TTN: variants seen among roughly 807,000 people sequenced by gnomAD.
TTN encodes the protein titin.
TTN carries 1,525 observed loss-of-function variants against 3,223.0 expected under a neutral mutation model. The ratio of observed to expected loss-of-function variants is 0.47; its 90% CI spans 0.45 to 0.49. The LOEUF (loss-of-function observed/expected upper bound fraction) is 0.49. Among genes scored for constraint, TTN ranks in the 20% least tolerant of loss-of-function variants. The pLI is 0.00. For missense variants in TTN, 40,786 were observed against 43,424.0 expected (o/e 0.94, Z 5.40); for synonymous variants, 14,094 against 15,161.0 (o/e 0.93, Z 5.17).
rs752387560 is a variant in TTN at position 178,571,993 on chromosome 2, G to T, written c.74139C>A (p.Val24713=). The change falls in exon 326 of 363, where the codon GTC becomes GTA. Residue 24713 remains valine (V), a synonymous_variant. Transcript: ENST00000589042. ...ACAGGAGTTTGAAGGCTGGTGGAAT[G>T]ACAAGATCTTTGGCGATCACTGGCA... ...LSVPVIAKDL[V]IPPAFKLLFN... is the part of the protein sequence containing the mutation. 1.2e-6 allele frequency: 2 copies of T among 1,613,256 alleles called. No individual in the cohort carries two copies. The highest frequency in any genetic ancestry group is 8.5e-7 in the Non-Finnish European group (1 of 1,179,570).
At chr2:178,684,514 G>A in intron 131 of TTN, 101 bp from the exon 132 acceptor site, 2 of 1,393,796 alleles carry the variant, frequency 1.4e-6, no homozygotes, top group South Asian at 1.3e-5. Flanking sequence ...AATTTACAAG[G>A]CACACACACA....
intron 99 of TTN, among the ~76,000 whole-genome samples, chr2:178,708,598 A>G (rs2076207930): frequency 6.6e-6 from 1 of 152,236 alleles, no homozygotes; most frequent in Admixed American, 6.5e-5. Context: ...GAAAGCATTT[A>G]TCTGCCCATG....
chr2:178,530,590 T>G lies in TTN; in HGVS notation c.106025A>C (p.Tyr35342Ser), dbSNP rs1060500560. The part of the protein sequence containing the change: ...FQFHYSADGT[Y>S]ELKINNLTES... ...AGTGAGGTTATTGATTTTGAGCTCA[T>G]AGGTACCATCTGCTGAATAATGAAA... is the stretch of plus-strand genomic sequence containing the variant. The change falls in exon 358 of 363, where the codon TAT (tyrosine) becomes TCT (serine). Residue 35342 changes from tyrosine (Y) to serine (S), a missense_variant. Transcript: ENST00000589042. 2 of 1,613,998 alleles carry G rather than the reference T, an allele frequency of 1.2e-6. No homozygotes were observed. The highest frequency in any genetic ancestry group is 1.7e-5 in the Admixed American group (1 of 60,024).
At chr2:178,766,276 T>C (rs979480129) in intron 41 of TTN, 105 bp downstream of exon 41, 5 of 914,818 alleles carry the variant, frequency 5.5e-6, no homozygotes, top group Admixed American at 1.8e-5. Flanking sequence ...ATGAATACCA[T>C]AGGTTCTTTA....
chr2:178,737,007 G>C lies in TTN; in HGVS notation c.14372-933C>G, dbSNP rs35965350. Among the ~76,000 whole-genome samples, 924 of 152,114 alleles carry C rather than the reference G, an allele frequency of 6.1e-3. 8 individuals are homozygous for C. The highest frequency in any genetic ancestry group is 0.01 in the Middle Eastern group (3 of 294). Reference sequence around the variant, plus strand: ...GGGACAGCCTTCCCCAACAGTCCAAGTATGGCTTGACTGTACCTCTACCCC... The same window carrying C: ...GGGACAGCCTTCCCCAACAGTCCAACTATGGCTTGACTGTACCTCTACCCC... On this transcript the variant is annotated intron_variant, in intron 49 of 362. Transcript: ENST00000589042.
rs746660690 is a variant in TTN at position 178,773,743 on chromosome 2, C to G, written c.7331-18G>C. 6.2e-7 allele frequency: 1 copy of G among 1,613,922 alleles called. No individual in the cohort carries two copies. Among genetic ancestry groups the G allele is most frequent in the African/African-American group, 1.3e-5 (1 of 74,928 alleles). Reference sequence around the variant, plus strand: ...GTCCACACCTGCAAAATCATACACACACAAGATGAATGAATTTTGTTGAAA... The same window carrying G: ...GTCCACACCTGCAAAATCATACACAGACAAGATGAATGAATTTTGTTGAAA... On this transcript the variant is annotated intron_variant, in intron 31 of 362. Coordinates refer to ENST00000589042, the MANE Select transcript of TTN (RefSeq NM_001267550.2).
chr2:178,794,409 G>A lies in TTN; in HGVS notation c.1388C>T (p.Ala463Val). 1 of 1,614,146 alleles carries A rather than the reference G, an allele frequency of 6.2e-7. No homozygotes were observed. The highest frequency in any genetic ancestry group is 8.5e-7 in the Non-Finnish European group (1 of 1,179,994). ...CAGCCTCGCACGTACCTGTTCTTGAGCAGGTTGGATGTGCACAGCAGTCGT... is the reference window on the plus strand; with the variant it reads ...CAGCCTCGCACGTACCTGTTCTTGAACAGGTTGGATGTGCACAGCAGTCGT... ...TTTTAVHIQP[A>V]QEQVRKEAEK... Residue 463 changes from alanine to valine, a missense_variant, in exon 8 of 363, where the codon GCT (alanine) becomes GTT (valine). By Grantham distance (64) the Ala-to-Val change is moderately conservative. Transcript: ENST00000589042.
intron 121 of TTN, among the ~76,000 whole-genome samples, chr2:178,690,722 A>G (rs1354559255): frequency 6.6e-6 from 1 of 152,048 alleles, no homozygotes; most frequent in Non-Finnish European, 1.5e-5. Flanking sequence ...TGCATTTGTA[A>G]TATTTTGGTG....
At chr2:178,751,956 A>AT in intron 47 of TTN, 3 of 1,589,184 alleles carry the variant, frequency 1.9e-6, no homozygotes, top group Non-Finnish European at 2.6e-6. Flanking sequence ...GCAGCCATGG[A>AT]TTTGTGGTCT....
In TTN at chr2:178,769,727, T is replaced by C. The variant is rs879010411; in HGVS notation, c.8854A>G (p.Thr2952Ala). 6.2e-7 allele frequency: 1 copy of C among 1,613,850 alleles called. No homozygotes were observed. Among genetic ancestry groups the C allele is most frequent in the Non-Finnish European group, 8.5e-7 (1 of 1,179,882 alleles). The change falls in exon 37 of 363, where the codon ACA becomes GCA. Residue 2952 changes from threonine (T) to alanine (A), a missense_variant. By Grantham distance (58) the Thr-to-Ala change is moderately conservative. Coordinates refer to ENST00000589042, the MANE Select transcript of TTN (RefSeq NM_001267550.2). ...NTSTEDSAEYTFVCGNDQVSA... is the reference protein window; with the variant it reads ...NTSTEDSAEYAFVCGNDQVSA... ...ACTTGGTCATTGCCACAGACAAATG[T>C]GTATTCTGCCGAGTCCTCTGTGCTG... is the stretch of plus-strand genomic sequence containing the variant.
intron 22 of TTN, 96 bp downstream of exon 22, chr2:178,779,904 A>G: frequency 7.8e-7 from 1 of 1,280,882 alleles, no homozygotes; most frequent in Non-Finnish European, 1.1e-6. Context: ...ATAGCTGTCT[A>G]ACCCCGAGCT....
At chr2:178,701,377 C>A in intron 110 of TTN, 151 bp downstream of exon 110, 4 of 967,886 alleles carry the variant, frequency 4.1e-6, no homozygotes, top group Non-Finnish European at 6.0e-6. Context: ...TTTTTTTTTA[C>A]TTTAATTTCT....
rs756515055 is a variant in TTN, at chr2:178,561,799, T to C, written c.84333A>G (p.Arg28111=). 1.9e-6 allele frequency: 3 copies of C among 1,613,686 alleles called. No homozygotes were observed. In the Admixed American group the frequency reaches 5.0e-5, roughly 27 times the overall value. ...TCAGGCGAACTATTTTAATGGATGT[T>C]CTTGCAACTGCTTGTGAAACTATGT... is the stretch of plus-strand genomic sequence containing the variant. ...TWHIVSQAVA[R]TSIKIVRLTT... The change falls in exon 326 of 363, where the codon AGA becomes AGG. Residue 28111 remains arginine (R), a synonymous_variant. Transcript: ENST00000589042.
At chr2:178,618,531 C>T (rs1261461794) in intron 251 of TTN, 40 bp from the exon 252 acceptor site, 1 of 1,609,152 alleles carries the variant, frequency 6.2e-7, no homozygotes, top group South Asian at 1.1e-5. Context: ...AGTGTGCTGT[C>T]TTGCTTTTAA....
chr2:178,749,419 T>C (rs764156151), intron 47 of TTN: 1 of 1,613,104 alleles, frequency 6.2e-7, no homozygotes, highest in Non-Finnish European at 8.5e-7. Context: ...CTCTAGAAGG[T>C]ATGCAACGCA....
chr2:178,790,858 G>A lies in TTN; in HGVS notation c.1663-13C>T, dbSNP rs1339999014. 1.2e-6 allele frequency: 2 copies of A among 1,613,642 alleles called. No homozygotes were observed. The highest frequency in any genetic ancestry group is 2.2e-5 in the South Asian group (2 of 91,080). ...TTTCCTGTCTTATCTGATGTTTAGA[G>A]TAAAATAAAGATTTGAGTTTCAAAA... On this transcript the variant is annotated splice_polypyrimidine_tract_variant and intron_variant, in intron 10 of 362. Coordinates refer to ENST00000589042, the MANE Select transcript of TTN (RefSeq NM_001267550.2).
chr2:178,663,650 T>A lies in TTN; in HGVS notation c.36509A>T (p.Glu12170Val), dbSNP rs200840285. The A allele has an allele frequency of 2.8e-3, 4,590 of 1,613,690 alleles. 10 individuals carry two copies. The highest frequency in any genetic ancestry group is 3.4e-3 in the Non-Finnish European group (3,980 of 1,179,748). ...EKKAPVAPPK[E>V]PEVPPVKVPE... ...ACCTTTAACAGGTGGGACTTCAGGC[T>A]CTTTAGGAGGAGCCACTGGCGCTTT... The change falls in exon 171 of 363, where the codon GAG (glutamate) becomes GTG (valine). Residue 12170 changes from glutamate to valine, a missense_variant. By Grantham distance (121) the Glu-to-Val change is moderately radical. Transcript: ENST00000589042.
In TTN at chr2:178,664,055, C is replaced by T. The variant is rs549147739; in HGVS notation, c.36324G>A (p.Ser12108=). 7.4e-6 allele frequency: 12 copies of T among 1,612,864 alleles called. No homozygotes were observed. The highest frequency in any genetic ancestry group is 3.3e-5 in the South Asian group (3 of 91,024). Residue 12108 remains serine, a synonymous_variant, in exon 169 of 363, where the codon TCG becomes TCA. Transcript: ENST00000589042. ...PKEIIPEKKV[S]VVPPKKPEVP... ...CTTCAGGCTTTTTAGGAGGCACCAC[C>T]GACACTTTCTTTTCAGGGATAATCT...
chr2:178,750,091 T>G, intron 47 of TTN: 1 of 1,613,234 alleles, frequency 6.2e-7, no homozygotes, highest in South Asian at 1.1e-5. Context: ...CCTGAATTTC[T>G]ACAGGAAAGG....
Sources: gnomAD v4.1 joint callset for allele counts (sites outside exome capture counted in the v4.1 genomes callset) on GRCh38, gnomAD v4.1.1 for gene constraint, MANE v1.5 for transcripts, NCBI Gene and HGNC (gene_info 2026-07-23, HGNC 2026-07-21) for gene names.